The following GALNTL6 variants were observed in gnomAD, a reference collection of about 807,000 sequenced individuals.
GALNTL6 encodes polypeptide N-acetylgalactosaminyltransferase-like 6.
A neutral mutation model predicts 73.7 loss-of-function variants in GALNTL6; 46 were observed. The ratio of observed to expected loss-of-function variants is 0.62; its 90% CI spans 0.49 to 0.80. The LOEUF (loss-of-function observed/expected upper bound fraction) is 0.80. Ranked by LOEUF, GALNTL6 falls within the 30% of genes least tolerant of loss-of-function variation. The pLI is 0.00. For missense variants in GALNTL6, 604 were observed against 755.0 expected (o/e 0.80, Z 2.34); for synonymous variants, 259 against 263.7 (o/e 0.98, Z 0.17).
intron 5 of GALNTL6, among the ~76,000 whole-genome samples, chr4:172,456,746 G>A (rs1005373988): frequency 4.6e-5 from 7 of 152,034 alleles, no homozygotes; most frequent in Non-Finnish European, 1.0e-4. Context: ...TGAAAGTGAC[G>A]GGGAGAATGG....
intron 7 of GALNTL6, among the ~76,000 whole-genome samples, chr4:172,825,058 T>TTTC (rs1253717293): frequency 1.4e-5 from 2 of 145,582 alleles, no homozygotes; most frequent in African/African-American, 2.6e-5. Flanking sequence ...TCTTTTTTCT[T>TTTC]TTTTTTTTTT....
chr4:172,650,730 GA>G (rs1740439635), intron 5 of GALNTL6, among the ~76,000 whole-genome samples: 1 of 152,040 alleles, frequency 6.6e-6, no homozygotes, highest in Non-Finnish European at 1.5e-5. Flanking sequence ...AGAATGTAAA[GA>G]ATTGACTTTG....
intron 2 of GALNTL6, among the ~76,000 whole-genome samples, chr4:172,068,545 G>A (rs74421380): frequency 0.031 from 3,414 of 110,210 alleles, 1,098 homozygotes; most frequent in African/African-American, 0.11. Context: ...TACGAGTCCT[G>A]TGAATGTTTA....
intron 2 of GALNTL6, among the ~76,000 whole-genome samples, chr4:172,179,291 A>G (rs1011799007): frequency 6.6e-6 from 1 of 151,442 alleles, no homozygotes; most frequent in African/African-American, 2.4e-5. Flanking sequence ...AAGTATTCCT[A>G]TTTCTCCACA....
chr4:172,156,540 A>AGTATATATATATATATATAGTGT (rs58197299), intron 2 of GALNTL6, among the ~76,000 whole-genome samples: 4 of 125,186 alleles, frequency 3.2e-5, no homozygotes, highest in African/African-American at 1.4e-4. Flanking sequence ...ATATATATAT[A>AGTATATATATATATATATAGTGT]ATATATATAT....
At chr4:171,937,573 T>C (rs1738390204) in intron 2 of GALNTL6, among the ~76,000 whole-genome samples, 1 of 152,176 alleles carries the variant, frequency 6.6e-6, no homozygotes, top group African/African-American at 2.4e-5. Flanking sequence ...TGGAGATTTC[T>C]GTGAAATCAA....
chr4:172,108,608 C>T (rs1013875942), intron 2 of GALNTL6, among the ~76,000 whole-genome samples: 1 of 152,166 alleles, frequency 6.6e-6, no homozygotes, highest in African/African-American at 2.4e-5. Context: ...AACACCCTCA[C>T]AGATATACCA....
intron 12 of GALNTL6, among the ~76,000 whole-genome samples, chr4:173,022,808 A>G (rs913038467): frequency 6.6e-6 from 1 of 152,242 alleles, no homozygotes; most frequent in African/African-American, 2.4e-5. Flanking sequence ...AGTTAATAAA[A>G]TAAAGAGCAA....
At chr4:172,823,731 T>C (rs146791108) in intron 7 of GALNTL6, among the ~76,000 whole-genome samples, 12 of 152,206 alleles carry the variant, frequency 7.9e-5, no homozygotes, top group African/African-American at 2.6e-4. Flanking sequence ...TTATCCAGTA[T>C]GTAGAAAGAA....
At chr4:173,000,335 A>T (rs1330691505) in intron 10 of GALNTL6, among the ~76,000 whole-genome samples, 1 of 152,220 alleles carries the variant, frequency 6.6e-6, no homozygotes, top group Non-Finnish European at 1.5e-5. Flanking sequence ...AAAATAAATG[A>T]GAGTAGAAAC....
chr4:172,101,963 T>G (rs1732531807), intron 2 of GALNTL6, among the ~76,000 whole-genome samples: 1 of 151,952 alleles, frequency 6.6e-6, no homozygotes, highest in African/African-American at 2.4e-5. Flanking sequence ...TAGTCTTGAG[T>G]TTCTGAGAAA....
At chr4:171,916,646 T>C (rs1047274387) in intron 2 of GALNTL6, among the ~76,000 whole-genome samples, 1 of 152,178 alleles carries the variant, frequency 6.6e-6, no homozygotes, top group African/African-American at 2.4e-5. Flanking sequence ...AGTGAGTTAA[T>C]CTATTCAGCG....
chr4:172,175,611 AG>A (rs1380335916), intron 2 of GALNTL6, among the ~76,000 whole-genome samples: 1 of 152,220 alleles, frequency 6.6e-6, no homozygotes, highest in Non-Finnish European at 1.5e-5. Context: ...CTAGGCATGA[AG>A]GATATTAACA....
chr4:171,982,164 T>G (rs1739915882), intron 2 of GALNTL6, among the ~76,000 whole-genome samples: 1 of 152,226 alleles, frequency 6.6e-6, no homozygotes, highest in Admixed American at 6.5e-5. Context: ...TATTTAAGTC[T>G]ATATAACCAC....
intron 5 of GALNTL6, among the ~76,000 whole-genome samples, chr4:172,523,982 C>T (rs1579152409): frequency 6.6e-6 from 1 of 152,156 alleles, no homozygotes; most frequent in Non-Finnish European, 1.5e-5. Flanking sequence ...CTGCTTCAAA[C>T]CATTGACTGT....
intron 3 of GALNTL6, among the ~76,000 whole-genome samples, chr4:172,264,467 C>G (rs1738364104): frequency 1.2e-5 from 1 of 84,174 alleles, no homozygotes; most frequent in Non-Finnish European, 2.2e-5. Context: ...TAATATATTC[C>G]AAATATATAT....
intron 12 of GALNTL6, among the ~76,000 whole-genome samples, chr4:173,027,709 G>A (rs1165127334): frequency 6.6e-6 from 1 of 152,052 alleles, no homozygotes; most frequent in African/African-American, 2.4e-5. Context: ...GTGTAATCAG[G>A]CAAGATATAG....
At chr4:172,342,981 TA>T (rs777363071) in intron 4 of GALNTL6, among the ~76,000 whole-genome samples, 7 of 152,214 alleles carry the variant, frequency 4.6e-5, no homozygotes, top group Non-Finnish European at 8.8e-5. Flanking sequence ...AGATGTTGGC[TA>T]TTTCTGCTAA....
At chr4:172,837,558 A>AT in intron 7 of GALNTL6, among the ~76,000 whole-genome samples, 1 of 152,358 alleles carries the variant, frequency 6.6e-6, no homozygotes, top group Middle Eastern at 3.4e-3. Context: ...TTCCATAAAT[A>AT]TTTGTTAGGT....
Sources: gnomAD v4.1 joint callset for allele counts (sites outside exome capture counted in the v4.1 genomes callset) on GRCh38, gnomAD v4.1.1 for gene constraint, MANE v1.5 for transcripts, NCBI Gene and HGNC (gene_info 2026-07-23, HGNC 2026-07-21) for gene names.